Variants in PRR16 observed in about 807,000 individuals in gnomAD.
PRR16 encodes protein Largen.
PRR16 carries 6 observed loss-of-function variants against 18.2 expected under a neutral mutation model. The observed-to-expected ratio is 0.33, with a 90% confidence interval of 0.18 to 0.65. The LOEUF (loss-of-function observed/expected upper bound fraction) is 0.65, where lower values mean the gene tolerates loss of function less well. Among genes scored for constraint, PRR16 ranks in the 30% least tolerant of loss-of-function variants. The probability of loss-of-function intolerance (pLI) is 0.74; values close to 1 mark genes in which losing one functional copy is unlikely to be tolerated. For missense variants in PRR16, 412 were observed against 376.6 expected, an observed-to-expected ratio of 1.09 and a Z score of -0.78; for synonymous variants, 151 against 147.8, an observed-to-expected ratio of 1.02 and a Z score of -0.16.
intron 1 of PRR16, among the ~76,000 whole-genome samples, chr5:120,576,305 TAAC>T (rs914602859): frequency 6.6e-6 from 1 of 151,930 alleles, no homozygotes; most frequent in Non-Finnish European, 1.5e-5. Flanking sequence ...AACAACTCAG[TAAC>T]AACAACAACA....
At chr5:120,651,668 G>T (rs892717642) in intron 1 of PRR16, among the ~76,000 whole-genome samples, 2 of 152,050 alleles carry the variant, frequency 1.3e-5, no homozygotes, top group African/African-American at 4.8e-5. Context: ...TGAGGTCTCT[G>T]TTCTGTTCCA....
the PRR16 span, among the ~76,000 whole-genome samples, chr5:120,741,773 G>A: frequency 3.9e-5 from 6 of 152,124 alleles, no homozygotes; most frequent in African/African-American, 7.2e-5. Flanking sequence ...ACTAATTTTT[G>A]TATTTTTAGT....
intron 1 of PRR16, among the ~76,000 whole-genome samples, chr5:120,640,479 T>C (rs1755386079): frequency 6.6e-6 from 1 of 152,128 alleles, no homozygotes; most frequent in Non-Finnish European, 1.5e-5. Context: ...TCTAATATAA[T>C]GCCCCCCATA....
At chr5:120,761,758 A>C in the PRR16 span, among the ~76,000 whole-genome samples, 1 of 152,138 alleles carries the variant, frequency 6.6e-6, no homozygotes, top group African/African-American at 2.4e-5. Flanking sequence ...AAAATACACA[A>C]TATATTGTTG....
the PRR16 span, among the ~76,000 whole-genome samples, chr5:120,721,794 T>C: frequency 1.3e-5 from 2 of 152,106 alleles, no homozygotes; most frequent in Non-Finnish European, 2.9e-5. Flanking sequence ...GTTAAGTGGC[T>C]ATTATAGTAA....
At chr5:120,669,362 C>G (rs570961836) in intron 1 of PRR16, among the ~76,000 whole-genome samples, 1 of 151,924 alleles carries the variant, frequency 6.6e-6, no homozygotes, top group African/African-American at 2.4e-5. Context: ...TACACCTCCC[C>G]CATTTAGTTT....
At chr5:120,515,939 C>T (rs1039815425) in intron 1 of PRR16, among the ~76,000 whole-genome samples, 3 of 152,198 alleles carry the variant, frequency 2.0e-5, no homozygotes, top group Non-Finnish European at 4.4e-5. Context: ...AAGAGAGCCT[C>T]ACCTAAAATA....
chr5:120,698,311 G>T, the PRR16 span, among the ~76,000 whole-genome samples: 1 of 151,972 alleles, frequency 6.6e-6, no homozygotes, highest in Non-Finnish European at 1.5e-5. Flanking sequence ...TGTATGAATT[G>T]AAAAACTAAA....
At chr5:120,602,184 T>G (rs1426967760) in intron 1 of PRR16, among the ~76,000 whole-genome samples, 1 of 152,156 alleles carries the variant, frequency 6.6e-6, no homozygotes, top group Non-Finnish European at 1.5e-5. Flanking sequence ...ATATTGATTC[T>G]TTCTATTCAT....
At chr5:120,710,285 AG>A in the PRR16 span, among the ~76,000 whole-genome samples, 1 of 152,176 alleles carries the variant, frequency 6.6e-6, no homozygotes, top group South Asian at 2.1e-4. Flanking sequence ...GCTGGTGCAT[AG>A]TACATACAAG....
At chr5:120,492,338 C>G (rs796123533) in intron 1 of PRR16, among the ~76,000 whole-genome samples, 1 of 151,430 alleles carries the variant, frequency 6.6e-6, no homozygotes, top group South Asian at 2.1e-4. Context: ...CTAGGCTGGT[C>G]TCTAATTCCT....
chr5:120,763,362 G>T, the PRR16 span, among the ~76,000 whole-genome samples: 1 of 152,028 alleles, frequency 6.6e-6, no homozygotes, highest in African/African-American at 2.4e-5. Flanking sequence ...TGGCCAGGCT[G>T]ACCTCAAGTG....
intron 1 of PRR16, among the ~76,000 whole-genome samples, chr5:120,497,150 C>T (rs775887259): frequency 1.1e-4 from 17 of 152,018 alleles, no homozygotes; most frequent in African/African-American, 3.4e-4. Context: ...ATATGTTTCA[C>T]GGACACTTAA....
At position 120,469,249 on chromosome 5, in the gene PRR16, G is replaced by A. The variant is rs566035333; in HGVS notation, c.159+4604G>A. Among the ~76,000 whole-genome samples, 15 of 152,160 alleles carry A rather than the reference G, an allele frequency of 9.9e-5. 1 individual carries two copies. The South Asian group carries it at 3.1e-3, about 32-fold the overall frequency. On this transcript the variant is annotated intron_variant, in intron 1 of 1. Coordinates refer to ENST00000407149, the MANE Select transcript of PRR16 (RefSeq NM_001300783.2). ...AGTTTATTGTCTGGAAATTCCTACCGAGTATTTTTTGGTTAATGAGCCCAT... is the reference window on the plus strand; with the variant it reads ...AGTTTATTGTCTGGAAATTCCTACCAAGTATTTTTTGGTTAATGAGCCCAT...
chr5:120,527,296 C>A (rs1751404770), intron 1 of PRR16, among the ~76,000 whole-genome samples: 1 of 152,060 alleles, frequency 6.6e-6, no homozygotes, highest in Non-Finnish European at 1.5e-5. Flanking sequence ...GTTCTTTATT[C>A]GTGTGGTTAG....
chr5:120,606,394 AT>A (rs112911140), intron 1 of PRR16, among the ~76,000 whole-genome samples: 7,714 of 152,144 alleles, frequency 0.051, 490 homozygotes, highest in African/African-American at 0.15. Flanking sequence ...TCAAATATGT[AT>A]TTTTTAATCA....
chr5:120,683,456 C>A (rs372472822), intron 1 of PRR16, among the ~76,000 whole-genome samples: 1 of 147,918 alleles, frequency 6.8e-6, no homozygotes, highest in Admixed American at 6.8e-5. Context: ...GAGCTGAGAT[C>A]GCATCACTGC....
At chr5:120,576,036 T>C (rs1351792650) in intron 1 of PRR16, among the ~76,000 whole-genome samples, 3 of 152,110 alleles carry the variant, frequency 2.0e-5, no homozygotes, top group African/African-American at 7.2e-5. Flanking sequence ...TCAAAGTGGA[T>C]TAAAGACTTA....
At chr5:120,660,513 A>G (rs777191879) in intron 1 of PRR16, among the ~76,000 whole-genome samples, 3 of 152,110 alleles carry the variant, frequency 2.0e-5, no homozygotes, top group Admixed American at 6.6e-5. Context: ...ACTTTTAAGC[A>G]TATGTTACAA....
Sources: gnomAD v4.1 joint callset for allele counts (sites outside exome capture counted in the v4.1 genomes callset) on GRCh38, gnomAD v4.1.1 for gene constraint, MANE v1.5 for transcripts, NCBI Gene and HGNC (gene_info 2026-07-23, HGNC 2026-07-21) for gene names.